NDUFAF6: variants seen among roughly 807,000 people sequenced by gnomAD.
The protein encoded by NDUFAF6 is NADH dehydrogenase (ubiquinone) complex I, assembly factor 6.
NDUFAF6 carries 45 observed loss-of-function variants against 40.8 expected under a neutral mutation model. That is an observed-to-expected ratio of 1.10 (90% confidence interval 0.87 to 1.42). The LOEUF is 1.42. Among genes scored for constraint, NDUFAF6 ranks in the 40% most tolerant of loss-of-function variants. NDUFAF6 has a pLI of 0.00. For synonymous variants in NDUFAF6, 185 were observed against 155.9 expected (o/e 1.19, Z -1.39); for missense variants, 435 against 418.5 (o/e 1.04, Z -0.34).
chr8:95,067,000 T>C (rs776135458), intron 9 of NDUFAF6: 3 of 152,238 alleles, frequency 2.0e-5, no homozygotes, highest in Non-Finnish European at 4.4e-5. Flanking sequence ...CTTAGCTCCT[T>C]CTAAACTAAT....
intron 1 of NDUFAF6, among the ~76,000 whole-genome samples, chr8:94,938,050 T>C (rs1285533007): frequency 6.6e-6 from 1 of 152,138 alleles, no homozygotes; most frequent in Non-Finnish European, 1.5e-5. Flanking sequence ...AGGTTATGAA[T>C]TGGGATCAAT....
At chr8:95,060,136 G>A (rs555445781), downstream of NDUFAF6, among the ~76,000 whole-genome samples, 1 of 152,194 alleles carries the variant, frequency 6.6e-6, no homozygotes, top group East Asian at 1.9e-4. Flanking sequence ...TTTTAAATTT[G>A]ATGCTTACAG....
chr8:95,038,818 C>T (rs1388244055), intron 3 of NDUFAF6, among the ~76,000 whole-genome samples: 1 of 152,026 alleles, frequency 6.6e-6, no homozygotes, highest in Non-Finnish European at 1.5e-5. Context: ...GCTGGGACTA[C>T]AGGTGTGTGC....
intron 1 of NDUFAF6, among the ~76,000 whole-genome samples, chr8:94,906,932 A>G (rs560635428): frequency 2.0e-5 from 3 of 152,226 alleles, no homozygotes; most frequent in Non-Finnish European, 4.4e-5. Context: ...CACCGTCAAC[A>G]TTATGTATCC....
At chr8:95,016,540 C>T (rs1255668434) in intron 2 of NDUFAF6, among the ~76,000 whole-genome samples, 1 of 152,066 alleles carries the variant, frequency 6.6e-6, no homozygotes, top group African/African-American at 2.4e-5. Context: ...GTCAAGAGAT[C>T]GAGACCATCC....
chr8:95,001,506 G>T (rs1459882631), intron 2 of NDUFAF6, among the ~76,000 whole-genome samples: 4 of 152,126 alleles, frequency 2.6e-5, no homozygotes, highest in Non-Finnish European at 4.4e-5. Context: ...CAACGAACTG[G>T]CCTGTCCATA....
At chr8:95,000,337 G>GA (rs1826663608) in intron 2 of NDUFAF6, among the ~76,000 whole-genome samples, 2 of 151,838 alleles carry the variant, frequency 1.3e-5, no homozygotes, top group South Asian at 2.1e-4. Context: ...AACCCTGTCT[G>GA]AAAAAAATGA....
intron 4 of NDUFAF6, among the ~76,000 whole-genome samples, chr8:95,109,653 G>A (rs1809941906): frequency 6.6e-6 from 1 of 152,004 alleles, no homozygotes; most frequent in Admixed American, 6.6e-5. Flanking sequence ...CTGTCCATTT[G>A]TCTTCTCATG....
intron 1 of NDUFAF6, among the ~76,000 whole-genome samples, chr8:94,962,292 A>G (rs1030708262): frequency 3.3e-5 from 5 of 152,190 alleles, no homozygotes; most frequent in African/African-American, 9.6e-5. Context: ...TCTTACCTCC[A>G]GACTGCTTTT....
rs370882721 is a variant in NDUFAF6, at chr8:94,897,975, A to G, written c.-936+2048A>G. ...TTAGGTCTCTAGGTTACCATGATGG[A>G]TGATAGACGGATGGTGGAATTATTC... On this transcript the variant is annotated intron_variant, in intron 1 of 14. Coordinates refer to the NDUFAF6 transcript ENST00000396113. Among the ~76,000 whole-genome samples, 17 of 152,262 alleles carry G rather than the reference A, an allele frequency of 1.1e-4. No individual in the cohort carries two copies. In the East Asian group the frequency reaches 2.9e-3, roughly 26 times the overall value.
intron 2 of NDUFAF6, among the ~76,000 whole-genome samples, chr8:94,992,440 T>C (rs113053606): frequency 1.3e-5 from 2 of 152,052 alleles, no homozygotes; most frequent in South Asian, 4.2e-4. Context: ...TAAGCTGAGA[T>C]TGCACCACTG....
chr8:94,902,957 G>T (rs896628579), intron 1 of NDUFAF6, among the ~76,000 whole-genome samples: 1 of 152,040 alleles, frequency 6.6e-6, no homozygotes, highest in Admixed American at 6.5e-5. Flanking sequence ...ACCTGCCTCG[G>T]CCTCAAAGTG....
chr8:95,055,847 G>A (rs551448095), intron 8 of NDUFAF6, among the ~76,000 whole-genome samples: 1 of 152,084 alleles, frequency 6.6e-6, no homozygotes, highest in East Asian at 1.9e-4. Flanking sequence ...AATAAACACC[G>A]ATGAACTTAC....
At chr8:95,002,135 T>A (rs971333208) in intron 2 of NDUFAF6, among the ~76,000 whole-genome samples, 1 of 152,218 alleles carries the variant, frequency 6.6e-6, no homozygotes, top group African/African-American at 2.4e-5. Flanking sequence ...GTTTTATATT[T>A]CCAGAATATT....
chr8:95,005,656 T>G (rs1202523474), intron 2 of NDUFAF6, among the ~76,000 whole-genome samples: 1 of 151,052 alleles, frequency 6.6e-6, no homozygotes, highest in South Asian at 2.1e-4. Context: ...TGAATAAGAC[T>G]GTTAGGAATA....
intron 9 of NDUFAF6, among the ~76,000 whole-genome samples, chr8:95,070,665 C>G (rs1285191708): frequency 1.3e-5 from 2 of 152,110 alleles, no homozygotes; most frequent in Non-Finnish European, 2.9e-5. Flanking sequence ...AATTCAGAAG[C>G]TATATTTGAA....
At chr8:95,114,162 T>C (rs200787652) in intron 4 of NDUFAF6, among the ~76,000 whole-genome samples, 1 of 37,782 alleles carries the variant, frequency 2.6e-5, no homozygotes, top group African/African-American at 1.7e-4. Flanking sequence ...ATAATAATAA[T>C]AAAACAAACA....
intron 1 of NDUFAF6, chr8:95,101,013 G>C (rs1359189023): frequency 6.6e-6 from 1 of 152,104 alleles, no homozygotes; most frequent in African/African-American, 2.4e-5. Context: ...TTACCTATTT[G>C]TTTAAGCAAT....
chr8:95,035,049 T>C (rs1046596086), intron 2 of NDUFAF6, among the ~76,000 whole-genome samples: 5 of 152,018 alleles, frequency 3.3e-5, no homozygotes, highest in Admixed American at 2.0e-4. Flanking sequence ...CCGGCTAATT[T>C]TTTGTATTTT....
Sources: gnomAD v4.1 joint callset for allele counts (sites outside exome capture counted in the v4.1 genomes callset) on GRCh38, gnomAD v4.1.1 for gene constraint, MANE v1.5 for transcripts, NCBI Gene and HGNC (gene_info 2026-07-23, HGNC 2026-07-21) for gene names.